The following ANGPTL1 variants were observed in gnomAD, a reference collection of about 807,000 sequenced individuals.
ANGPTL1 encodes angiopoietin like 1, also known as angiopoietin-related protein 1.
A neutral mutation model predicts 46.7 loss-of-function variants in ANGPTL1; 36 were observed. The observed-to-expected ratio is 0.77, with a 90% CI of 0.59 to 1.02. The LOEUF (loss-of-function observed/expected upper bound fraction) is 1.02, where lower values mean the gene tolerates loss of function less well. ANGPTL1 is among the 50% of genes least tolerant of loss of function. The pLI is 0.00. For synonymous variants in ANGPTL1, 221 were observed against 204.3 expected (o/e 1.08, Z -0.69); for missense variants, 571 against 594.7 (o/e 0.96, Z 0.41).
chr1:178,856,214 T>TAG (rs1243864255), intron 3 of ANGPTL1, among the ~76,000 whole-genome samples: 1 of 74,836 alleles, frequency 1.3e-5, no homozygotes, highest in Non-Finnish European at 3.1e-5. Flanking sequence ...TATATATATA[T>TAG]ATATATATAT....
At chr1:178,853,502 G>T in intron 4 of ANGPTL1, 92 bp downstream of exon 4, 1 of 1,040,576 alleles carries the variant, frequency 9.6e-7, no homozygotes, top group Non-Finnish European at 1.3e-6. Context: ...ATTTTTAACT[G>T]TGTGTCTTAT....
In ANGPTL1 at chr1:178,852,768, A is replaced by G; in HGVS notation, c.1203T>C (p.Thr401=). 1.2e-6 allele frequency: 2 copies of G among 1,613,958 alleles called. No homozygotes were observed. The highest frequency in any genetic ancestry group is 1.7e-6 in the Non-Finnish European group (2 of 1,179,870). ...TAGAATCCCCTGCATTTCCCTGGTA[A>G]GTTCCCAGGCGCAGTCTATAGAATT... ...ESEFYRLRLG[T]YQGNAGDSMM... The change falls in exon 5 of 6, where the codon ACT becomes ACC. Residue 401 remains threonine (T), a synonymous_variant. Transcript: ENST00000234816.
intron 1 of ANGPTL1, among the ~76,000 whole-genome samples, chr1:178,869,981 A>G (rs1384242904): frequency 1.3e-5 from 2 of 152,112 alleles, no homozygotes; most frequent in East Asian, 3.9e-4. Context: ...GAATTTAATT[A>G]CATCTTCTGG....
intron 3 of ANGPTL1, among the ~76,000 whole-genome samples, chr1:178,857,719 C>T (rs73039842): frequency 1.3e-5 from 2 of 152,042 alleles, no homozygotes; most frequent in Non-Finnish European, 1.5e-5. Flanking sequence ...AATGTTTACT[C>T]TGCATTCATT....
At position 178,850,165 on chromosome 1, in the gene ANGPTL1, G is replaced by A. The variant is rs2102287898; in HGVS notation, c.*964C>T. On this transcript the variant is annotated 3_prime_UTR_variant, in exon 6 of 6. Coordinates refer to ENST00000234816, the MANE Select transcript of ANGPTL1 (RefSeq NM_004673.4). The stretch of plus-strand genomic sequence containing the variant: ...AAACAGCCAACAGTTCCTTGAGTTT[G>A]TTTTAGTCCCACCTGTTCTGAGCAT... The A allele has an allele frequency of 6.5e-6, 1 of 152,704 alleles. No individual in the cohort carries two copies. Among genetic ancestry groups the A allele is most frequent in the South Asian group, 2.1e-4 (1 of 4,822 alleles). The allele number at this position is 152,704 out of a possible 1,614,324, so 9.5% of individuals were successfully genotyped here. A position where few individuals can be genotyped will look rare whatever the true frequency, so the allele number is the denominator to read the frequency against.
At chr1:178,855,238 G>C (rs1166324201) in intron 3 of ANGPTL1, among the ~76,000 whole-genome samples, 1 of 151,484 alleles carries the variant, frequency 6.6e-6, no homozygotes, top group Non-Finnish European at 1.5e-5. Context: ...TATAACAATA[G>C]AAGGGATTCT....
At chr1:178,866,910 T>C (rs923484649) in intron 2 of ANGPTL1, among the ~76,000 whole-genome samples, 3 of 152,150 alleles carry the variant, frequency 2.0e-5, no homozygotes, top group Non-Finnish European at 4.4e-5. Flanking sequence ...CCTTTCTCTC[T>C]AGTTACCTCC....
intron 3 of ANGPTL1, among the ~76,000 whole-genome samples, chr1:178,859,491 C>A (rs896964340): frequency 2.0e-5 from 3 of 148,058 alleles, no homozygotes; most frequent in African/African-American, 7.5e-5. Flanking sequence ...GCAACCTCCG[C>A]CTCCCGAGTT....
At chr1:178,862,122 C>T (rs1658060026) in intron 3 of ANGPTL1, among the ~76,000 whole-genome samples, 3 of 152,078 alleles carry the variant, frequency 2.0e-5, no homozygotes, top group Admixed American at 6.5e-5. Context: ...ATCCGTCTGC[C>T]TCGGCCTCCG....
intron 3 of ANGPTL1, among the ~76,000 whole-genome samples, chr1:178,860,708 A>G (rs1474031109): frequency 1.3e-5 from 2 of 152,180 alleles, no homozygotes; most frequent in Non-Finnish European, 2.9e-5. Context: ...ATCTTTTGTA[A>G]CTGGCTAAAC....
chr1:178,859,826 C>T (rs918440812), intron 3 of ANGPTL1, among the ~76,000 whole-genome samples: 2 of 85,328 alleles, frequency 2.3e-5, no homozygotes, highest in African/African-American at 4.1e-5. Context: ...GCCCGCCCCC[C>T]CCCCCCCAAC....
intron 5 of ANGPTL1, among the ~76,000 whole-genome samples, chr1:178,852,179 C>T (rs546297110): frequency 6.6e-5 from 10 of 152,250 alleles, no homozygotes; most frequent in African/African-American, 2.4e-4. Context: ...AGCAGATTTT[C>T]CTGGCGAACC....
At chr1:178,858,064 T>C (rs967931209) in intron 3 of ANGPTL1, among the ~76,000 whole-genome samples, 1 of 152,194 alleles carries the variant, frequency 6.6e-6, no homozygotes, top group African/African-American at 2.4e-5. Context: ...CTGTTAGACT[T>C]AGGGAAATGT....
chr1:178,858,589 C>T (rs970681944), intron 3 of ANGPTL1, among the ~76,000 whole-genome samples: 1 of 152,104 alleles, frequency 6.6e-6, no homozygotes, highest in East Asian at 1.9e-4. Context: ...GAATTCTGTA[C>T]ATTGAATTTG....
intron 3 of ANGPTL1, among the ~76,000 whole-genome samples, chr1:178,858,453 T>G (rs1452340260): frequency 6.6e-6 from 1 of 152,154 alleles, no homozygotes; most frequent in African/African-American, 2.4e-5. Flanking sequence ...AGAAATAAAT[T>G]GATTGATCTG....
chr1:178,859,552 C>T (rs1469581550), intron 3 of ANGPTL1, among the ~76,000 whole-genome samples: 8 of 150,872 alleles, frequency 5.3e-5, no homozygotes, highest in African/African-American at 1.9e-4. Context: ...TACAGGCGCC[C>T]GCCACTACGA....
At chr1:178,860,201 A>C (rs1355509490) in intron 3 of ANGPTL1, among the ~76,000 whole-genome samples, 1 of 152,158 alleles carries the variant, frequency 6.6e-6, no homozygotes, top group Non-Finnish European at 1.5e-5. Flanking sequence ...TTAATAAAAG[A>C]CTAACCCAAA....
At chr1:178,859,916 G>A (rs1048723894) in intron 3 of ANGPTL1, among the ~76,000 whole-genome samples, 6 of 149,292 alleles carry the variant, frequency 4.0e-5, no homozygotes, top group African/African-American at 9.9e-5. Context: ...ACGGGGTTTC[G>A]CCATGTTAGC....
Position 178,864,995 on chromosome 1 carries a change from T to C in ANGPTL1, c.782A>G (p.Lys261Arg). ...PPPDLATSPTKSPFKIPPVTF... is the reference protein window; with the variant it reads ...PPPDLATSPTRSPFKIPPVTF... ...TACCGGTGGTATCTTGAAAGGGCTT[T>C]TGGTGGGAGAAGTTGCCAGATCAGG... is the stretch of plus-strand genomic sequence containing the variant. Residue 261 changes from lysine to arginine, a missense_variant, in exon 3 of 6, where the codon AAA (lysine) becomes AGA (arginine). By Grantham distance (26) the Lys-to-Arg change is conservative. Coordinates refer to ENST00000234816, the MANE Select transcript of ANGPTL1 (RefSeq NM_004673.4). 6.8e-7 allele frequency: 1 copy of C among 1,471,388 alleles called. No homozygotes were observed. Among genetic ancestry groups the C allele is most frequent in the Non-Finnish European group, 9.0e-7 (1 of 1,111,318 alleles). The allele number at this position is 1,471,388 out of a possible 1,614,324, so 91.1% of individuals were successfully genotyped here.
Sources: gnomAD v4.1 joint callset for allele counts (sites outside exome capture counted in the v4.1 genomes callset) on GRCh38, gnomAD v4.1.1 for gene constraint, MANE v1.5 for transcripts, NCBI Gene and HGNC (gene_info 2026-07-23, HGNC 2026-07-21) for gene names.